LRP1B: variants seen among roughly 807,000 people sequenced by gnomAD.
LRP1B encodes the protein low-density lipoprotein receptor-related protein 1B.
Under a neutral mutation model 556.6 loss-of-function variants are expected in LRP1B, and 217 were observed. The observed-to-expected ratio is 0.39, with a 90% CI of 0.35 to 0.44. The LOEUF (loss-of-function observed/expected upper bound fraction) is 0.44. Ranked by LOEUF, LRP1B falls within the 20% of genes least tolerant of loss-of-function variation. The pLI is 1.00. For synonymous variants in LRP1B, 2,047 were observed against 1,865.8 expected (o/e 1.10, Z -2.50); for missense variants, 5,053 against 5,620.8 (o/e 0.90, Z 3.23).
intron 7 of LRP1B, among the ~76,000 whole-genome samples, chr2:141,114,454 G>A (rs1700830176): frequency 1.3e-5 from 2 of 152,270 alleles, no homozygotes; most frequent in Admixed American, 6.5e-5. Context: ...CTGGAAAGGG[G>A]ATGGAGTGTG....
At chr2:141,247,411 C>T (rs2105328142) in intron 4 of LRP1B, 57 bp from the exon 5 acceptor site, 1 of 1,579,524 alleles carries the variant, frequency 6.3e-7, no homozygotes, top group Non-Finnish European at 8.6e-7. Flanking sequence ...ACTTTTTTTT[C>T]TCCTTGAAGA....
At chr2:141,303,587 TTCTA>T (rs1686474904) in intron 3 of LRP1B, among the ~76,000 whole-genome samples, 1 of 152,198 alleles carries the variant, frequency 6.6e-6, no homozygotes, top group South Asian at 2.1e-4. Context: ...TGATCTCCAA[TTCTA>T]TCTATGTTGT....
chr2:140,865,650 A>C (rs1573818770), intron 27 of LRP1B, among the ~76,000 whole-genome samples: 1 of 152,040 alleles, frequency 6.6e-6, no homozygotes, highest in East Asian at 1.9e-4. Context: ...TTGCAAACTG[A>C]CTGAATTTCA....
At chr2:140,295,807 GC>G (rs1039444992) in intron 84 of LRP1B, among the ~76,000 whole-genome samples, 4 of 151,814 alleles carry the variant, frequency 2.6e-5, no homozygotes, top group African/African-American at 9.7e-5. Flanking sequence ...GACTGTGATA[GC>G]AATTTTATTG....
chr2:140,679,394 T>G (rs1259922711), intron 41 of LRP1B, among the ~76,000 whole-genome samples: 1 of 152,196 alleles, frequency 6.6e-6, no homozygotes, highest in African/African-American at 2.4e-5. Flanking sequence ...AAAGTGGAAT[T>G]ATTTCTAGAG....
chr2:141,098,560 G>A (rs1482466386), intron 7 of LRP1B, among the ~76,000 whole-genome samples: 1 of 152,116 alleles, frequency 6.6e-6, no homozygotes. Flanking sequence ...TCCCAGTCTG[G>A]CATCTTAGCT....
At chr2:140,931,461 T>C (rs1048277925) in intron 20 of LRP1B, among the ~76,000 whole-genome samples, 3 of 152,030 alleles carry the variant, frequency 2.0e-5, no homozygotes, top group African/African-American at 7.2e-5. Context: ...GTACATAGAC[T>C]TTAGGACTTA....
At chr2:141,828,342 A>T (rs1023791327) in intron 1 of LRP1B, among the ~76,000 whole-genome samples, 3 of 152,102 alleles carry the variant, frequency 2.0e-5, no homozygotes, top group African/African-American at 7.2e-5. Flanking sequence ...CAATTTAAAC[A>T]TTCAAATATT....
At chr2:141,095,258 C>T (rs1254752565) in intron 7 of LRP1B, among the ~76,000 whole-genome samples, 3 of 150,802 alleles carry the variant, frequency 2.0e-5, no homozygotes, top group Admixed American at 1.3e-4. Context: ...CAGACTCCCA[C>T]CATAAGAGAA....
At chr2:140,490,805 T>G (rs561652716) in intron 57 of LRP1B, among the ~76,000 whole-genome samples, 6 of 152,262 alleles carry the variant, frequency 3.9e-5, no homozygotes, top group Non-Finnish European at 8.8e-5. Context: ...ATTTCCTTAC[T>G]CAATGGGCAC....
chr2:141,584,123 T>C (rs1356457057), intron 2 of LRP1B, among the ~76,000 whole-genome samples: 1 of 151,858 alleles, frequency 6.6e-6, no homozygotes, highest in Non-Finnish European at 1.5e-5. Context: ...CACATACCTG[T>C]AGTCTCAGCT....
intron 3 of LRP1B, among the ~76,000 whole-genome samples, chr2:141,437,214 C>A (rs1680794329): frequency 6.6e-6 from 1 of 152,036 alleles, no homozygotes; most frequent in Non-Finnish European, 1.5e-5. Flanking sequence ...TATTCCTGTT[C>A]TTTCCCCTTC....
intron 1 of LRP1B, among the ~76,000 whole-genome samples, chr2:141,900,532 C>G (rs561763478): frequency 7.9e-5 from 12 of 151,916 alleles, no homozygotes; most frequent in Non-Finnish European, 1.2e-4. Context: ...CTCACCTTAA[C>G]CTTGAATTTA....
chr2:140,861,392 G>A (rs1161195961), intron 27 of LRP1B, among the ~76,000 whole-genome samples: 8 of 152,192 alleles, frequency 5.3e-5, no homozygotes, highest in Admixed American at 5.2e-4. Context: ...GAGAGACAGA[G>A]TGAGATTCCA....
chr2:140,896,615 G>A (rs984375088), intron 23 of LRP1B, among the ~76,000 whole-genome samples: 1 of 152,134 alleles, frequency 6.6e-6, no homozygotes, highest in Admixed American at 6.5e-5. Context: ...CTGAGTAGCT[G>A]GGACCACAGA....
At chr2:140,658,415 G>A (rs1219951900) in intron 41 of LRP1B, among the ~76,000 whole-genome samples, 1 of 151,938 alleles carries the variant, frequency 6.6e-6, no homozygotes, top group East Asian at 1.9e-4. Context: ...TTTATATACT[G>A]CAACAGGATA....
intron 31 of LRP1B, among the ~76,000 whole-genome samples, chr2:140,818,284 T>A (rs1269251324): frequency 6.6e-6 from 1 of 152,164 alleles, no homozygotes; most frequent in East Asian, 1.9e-4. Context: ...TTCTAAATAT[T>A]CTTTTTCTGG....
At chr2:141,848,478 G>A (rs996689679) in intron 1 of LRP1B, among the ~76,000 whole-genome samples, 2 of 151,354 alleles carry the variant, frequency 1.3e-5, no homozygotes, top group Admixed American at 6.6e-5. Context: ...CTGTCACTAG[G>A]AGACTCTATA....
chr2:141,754,979 A>G (rs1443747302), intron 2 of LRP1B, among the ~76,000 whole-genome samples: 2 of 151,922 alleles, frequency 1.3e-5, no homozygotes, highest in East Asian at 1.9e-4. Context: ...GATAACCCAT[A>G]CCAAACTCTG....
Sources: gnomAD v4.1 joint callset for allele counts (sites outside exome capture counted in the v4.1 genomes callset) on GRCh38, gnomAD v4.1.1 for gene constraint, MANE v1.5 for transcripts, NCBI Gene and HGNC (gene_info 2026-07-23, HGNC 2026-07-21) for gene names.